RBBP8: variants seen among roughly 807,000 people sequenced by gnomAD.
RBBP8 encodes DNA endonuclease RBBP8.
A neutral mutation model predicts 108.3 loss-of-function variants in RBBP8; 88 were observed. The observed-to-expected ratio is 0.81, with a 90% CI of 0.68 to 0.97. The LOEUF (loss-of-function observed/expected upper bound fraction) is 0.97, where lower values mean the gene tolerates loss of function less well. RBBP8 is among the 50% of genes least tolerant of loss of function. The pLI, the probability that RBBP8 is intolerant of heterozygous loss-of-function variation, is 0.00. For missense variants in RBBP8, 1,023 were observed against 1,049.0 expected (o/e 0.98, Z 0.34); for synonymous variants, 332 against 348.2 (o/e 0.95, Z 0.52).
At chr18:22,969,176 T>A in intron 5 of RBBP8, among the ~76,000 whole-genome samples, 1 of 137,744 alleles carries the variant, frequency 7.3e-6, no homozygotes, top group Non-Finnish European at 1.5e-5. Flanking sequence ...GCAGGTGGTG[T>A]TTTTTTTTTT....
At chr18:22,943,190 A>G (rs1055802119) in intron 2 of RBBP8, among the ~76,000 whole-genome samples, 3 of 152,104 alleles carry the variant, frequency 2.0e-5, no homozygotes, top group African/African-American at 7.2e-5. Flanking sequence ...AGTGGCACAC[A>G]CTTGGGAGGC....
intron 2 of RBBP8, among the ~76,000 whole-genome samples, chr18:22,939,392 G>A (rs543749903): frequency 3.9e-5 from 6 of 152,182 alleles, no homozygotes; most frequent in East Asian, 1.9e-4. Context: ...TGTAATCCCC[G>A]CTACTCAGGA....
intron 16 of RBBP8, 173 bp from the exon 17 acceptor site, chr18:23,016,655 A>G: frequency 1.6e-6 from 1 of 617,992 alleles, no homozygotes. Context: ...GTTAGAAAAA[A>G]ATACCCATAA....
chr18:22,933,103 CT>C (rs1567941617), upstream of RBBP8, among the ~76,000 whole-genome samples: 2 of 152,258 alleles, frequency 1.3e-5, no homozygotes, highest in Non-Finnish European at 2.9e-5. Flanking sequence ...GGGCTTGATG[CT>C]CCCCCAACAG....
At chr18:22,968,956 A>C in intron 5 of RBBP8, 38 bp downstream of exon 5, 1 of 1,467,176 alleles carries the variant, frequency 6.8e-7, no homozygotes, top group Non-Finnish European at 9.5e-7. Context: ...TAAAGTATGT[A>C]ATGTATTATT....
chr18:22,951,335 CTG>C (rs1374390096), intron 4 of RBBP8, among the ~76,000 whole-genome samples: 2 of 152,104 alleles, frequency 1.3e-5, no homozygotes, highest in Non-Finnish European at 2.9e-5. Context: ...GCACTCCTGT[CTG>C]TGCATATATT....
chr18:23,020,786 C>T (rs780967017), intron 17 of RBBP8, among the ~76,000 whole-genome samples: 4 of 152,104 alleles, frequency 2.6e-5, no homozygotes, highest in Non-Finnish European at 4.4e-5. Context: ...CTGCACTCAC[C>T]GACTACTGTT....
At chr18:23,008,642 G>T (rs1349825200) in intron 16 of RBBP8, among the ~76,000 whole-genome samples, 1 of 152,098 alleles carries the variant, frequency 6.6e-6, no homozygotes, top group Non-Finnish European at 1.5e-5. Context: ...TTTTCTTGGA[G>T]CCCTAGTTCC....
intron 15 of RBBP8, 127 bp downstream of exon 15, chr18:23,001,856 T>G (rs2045954498): frequency 7.6e-7 from 1 of 1,310,278 alleles, no homozygotes; most frequent in Non-Finnish European, 1.0e-6. Flanking sequence ...TGTATAAATT[T>G]TTTCAGGTTT....
intron 8 of RBBP8, among the ~76,000 whole-genome samples, chr18:22,988,405 G>C (rs375067262): frequency 6.6e-6 from 1 of 152,068 alleles, no homozygotes; most frequent in Non-Finnish European, 1.5e-5. Flanking sequence ...CAAACCACGC[G>C]TAGTTCCCTG....
At chr18:22,958,774 T>C (rs965025313) in intron 4 of RBBP8, among the ~76,000 whole-genome samples, 3 of 152,160 alleles carry the variant, frequency 2.0e-5, no homozygotes, top group African/African-American at 7.2e-5. Context: ...ACTCCTAGGC[T>C]CAGACCATCC....
rs1169989334 is a variant in RBBP8, at chr18:22,989,264, T to A, written c.753T>A (p.Phe251Leu). ...GCTATACCCCTGATAAGTCATCTTTTAATTTAGCTACAGTTGTTGCTGAAA... is the reference window on the plus strand; with the variant it reads ...GCTATACCCCTGATAAGTCATCTTTAAATTTAGCTACAGTTGTTGCTGAAA... Reference protein sequence around the residue: ...TSSYTPDKSSFNLATVVAETL... With the variant: ...TSSYTPDKSSLNLATVVAETL... The change falls in exon 9 of 19, where the codon TTT becomes TTA. Residue 251 changes from phenylalanine to leucine, a missense_variant. By Grantham distance (22) the Phe-to-Leu change is conservative. Transcript: ENST00000327155. The A allele has an allele frequency of 1.9e-6, 3 of 1,611,374 alleles. No homozygotes were observed. Among genetic ancestry groups the A allele is most frequent in the Non-Finnish European group, 1.7e-6 (2 of 1,177,914 alleles).
intron 16 of RBBP8, among the ~76,000 whole-genome samples, chr18:23,014,156 G>A (rs545539102): frequency 1.3e-4 from 19 of 151,446 alleles, no homozygotes; most frequent in Admixed American, 5.9e-4. Context: ...GTGCCACCAC[G>A]CCTGGCTAAT....
chr18:22,975,612 C>T (rs567582829), intron 6 of RBBP8, among the ~76,000 whole-genome samples: 36 of 152,000 alleles, frequency 2.4e-4, no homozygotes, highest in African/African-American at 7.2e-4. Flanking sequence ...TTCTTCCTTC[C>T]TCTGTTTTTC....
intron 6 of RBBP8, among the ~76,000 whole-genome samples, chr18:22,978,502 T>C (rs575380573): frequency 6.6e-6 from 1 of 151,214 alleles, no homozygotes; most frequent in African/African-American, 2.5e-5. Flanking sequence ...TTAGAGCTAG[T>C]TTTGTTTGTT....
chr18:22,975,222 A>C lies in RBBP8; in HGVS notation c.428+3A>C. On this transcript the variant is annotated splice_donor_region_variant and intron_variant, in intron 6 of 18. Coordinates refer to ENST00000327155, the MANE Select transcript of RBBP8 (RefSeq NM_002894.3). ...GAACAACTCCAGCAGAAAATTGAGT[A>C]AGTATTTTCCTCCAACCTTGTTATT... 6.2e-7 allele frequency: 1 copy of C among 1,612,524 alleles called. No homozygotes were observed. The highest frequency in any genetic ancestry group is 8.5e-7 in the Non-Finnish European group (1 of 1,179,130).
At chr18:22,999,894 A>G (rs1048753262) in intron 14 of RBBP8, among the ~76,000 whole-genome samples, 2 of 152,244 alleles carry the variant, frequency 1.3e-5, no homozygotes, top group African/African-American at 4.8e-5. Flanking sequence ...ATTTTGCTTT[A>G]CAAACAGCAT....
rs748219926 is a variant in RBBP8 at position 22,993,599 on chromosome 18, G to C, written c.1772G>C (p.Arg591Pro). Reference sequence around the variant, plus strand: ...GTCTTTAAAATTCCTCTACGTCCACGTGAAAGTTTGGAGACTGAGAATGTT... The same window carrying C: ...GTCTTTAAAATTCCTCTACGTCCACCTGAAAGTTTGGAGACTGAGAATGTT... ...NAVFKIPLRP[R>P]ESLETENVLD... is the part of the protein sequence containing the mutation. Residue 591 changes from arginine to proline, a missense_variant, in exon 11 of 19, where the codon CGT becomes CCT. Arg to Pro is a moderately radical substitution (Grantham distance 103). Coordinates refer to ENST00000327155, the MANE Select transcript of RBBP8 (RefSeq NM_002894.3). 25 of 1,614,076 alleles carry C rather than the reference G, an allele frequency of 1.5e-5. No individual in the cohort carries two copies. Among genetic ancestry groups the C allele is most frequent in the Middle Eastern group, 3.3e-4 (2 of 6,084 alleles).
intron 12 of RBBP8, among the ~76,000 whole-genome samples, chr18:22,996,122 CT>C (rs2045852793): frequency 6.6e-6 from 1 of 152,098 alleles, no homozygotes; most frequent in South Asian, 2.1e-4. Flanking sequence ...GTTGAGCATC[CT>C]TTCATGTTTA....
Sources: allele counts gnomAD v4.1 joint callset (sites outside exome capture counted in the v4.1 genomes callset), GRCh38; gene constraint gnomAD v4.1.1; transcripts MANE v1.5; gene names NCBI Gene and HGNC (gene_info 2026-07-23, HGNC 2026-07-21).